Variants in RBFOX1 observed in about 807,000 individuals in gnomAD.
RBFOX1 encodes the protein RNA binding protein fox-1 homolog 1.
A neutral mutation model predicts 57.7 loss-of-function variants in RBFOX1; 8 were observed. The ratio of observed to expected loss-of-function variants is 0.14; its 90% CI spans 0.08 to 0.25. RBFOX1 has a LOEUF of 0.25. Among genes scored for constraint, RBFOX1 ranks in the 10% least tolerant of loss-of-function variants. RBFOX1 has a pLI of 1.00. For synonymous variants in RBFOX1, 326 were observed against 222.4 expected (o/e 1.47, Z -4.15); for missense variants, 611 against 548.5 (o/e 1.11, Z -1.14).
At chr16:5,980,860 G>A (rs958221169) in intron 4 of RBFOX1, among the ~76,000 whole-genome samples, 5 of 148,654 alleles carry the variant, frequency 3.4e-5, no homozygotes, top group African/African-American at 1.2e-4. Flanking sequence ...CAACGCTGTC[G>A]TCCTGCCATT....
chr16:7,620,645 C>T (rs189810198), intron 10 of RBFOX1, among the ~76,000 whole-genome samples: 17 of 152,244 alleles, frequency 1.1e-4, no homozygotes, highest in Middle Eastern at 3.4e-3. Flanking sequence ...ATGGCAGCTT[C>T]GGAATTCTTA....
chr16:5,527,528 A>G (rs1322948035), intron 2 of RBFOX1, among the ~76,000 whole-genome samples: 2 of 152,124 alleles, frequency 1.3e-5, no homozygotes, highest in African/African-American at 4.8e-5. Context: ...GCAAGAAGTA[A>G]TTTTCTGTGT....
At chr16:7,119,251 C>T (rs540952684) in intron 4 of RBFOX1, among the ~76,000 whole-genome samples, 1 of 152,220 alleles carries the variant, frequency 6.6e-6, no homozygotes, top group Non-Finnish European at 1.5e-5. Flanking sequence ...TGTGTCCATT[C>T]ACATATGCAT....
chr16:6,038,539 T>TATATATATATATATCATCC (rs2095397646), intron 1 of RBFOX1: 3 of 146,026 alleles, frequency 2.1e-5, no homozygotes, highest in African/African-American at 7.5e-5. Context: ...GAGATATATA[T>TATATATATATATATCATCC]ATATATATAT....
intron 1 of RBFOX1, among the ~76,000 whole-genome samples, chr16:5,378,531 C>G (rs991773344): frequency 5.3e-5 from 8 of 151,486 alleles, no homozygotes; most frequent in African/African-American, 2.0e-4. Flanking sequence ...TGAATAGCCT[C>G]AGCAGAACCT....
intron 3 of RBFOX1, among the ~76,000 whole-genome samples, chr16:6,765,036 T>G (rs2077136128): frequency 6.6e-6 from 1 of 151,914 alleles, no homozygotes; most frequent in Non-Finnish European, 1.5e-5. Context: ...AAAAAAAAAT[T>G]CATGGTGACA....
chr16:6,234,303 C>A (rs925438961), intron 1 of RBFOX1, among the ~76,000 whole-genome samples: 5 of 152,274 alleles, frequency 3.3e-5, no homozygotes, highest in Middle Eastern at 3.4e-3. Flanking sequence ...TATCGAAAAG[C>A]AAGTATCTCT....
At chr16:6,593,561 C>A (rs79424414) in intron 2 of RBFOX1, among the ~76,000 whole-genome samples, 2 of 152,120 alleles carry the variant, frequency 1.3e-5, no homozygotes. Context: ...TGCTTTGGTC[C>A]TATTTGTTTT....
At chr16:5,923,690 C>T (rs766676098) in intron 4 of RBFOX1, among the ~76,000 whole-genome samples, 11 of 151,948 alleles carry the variant, frequency 7.2e-5, no homozygotes, top group Admixed American at 3.9e-4. Flanking sequence ...TACAGGCATG[C>T]GCCACCACAC....
At chr16:7,345,001 G>T (rs1250789655) in intron 4 of RBFOX1, among the ~76,000 whole-genome samples, 1 of 151,240 alleles carries the variant, frequency 6.6e-6, no homozygotes. Context: ...CTGGCTCCTC[G>T]TGGAGAAGAT....
At chr16:5,312,675 A>G (rs1168543520) in intron 1 of RBFOX1, among the ~76,000 whole-genome samples, 2 of 152,196 alleles carry the variant, frequency 1.3e-5, no homozygotes, top group South Asian at 2.1e-4. Flanking sequence ...TTCTGAGGAC[A>G]CCCAAGAGAC....
chr16:7,472,577 G>A (rs185853344), intron 4 of RBFOX1, among the ~76,000 whole-genome samples: 1 of 152,172 alleles, frequency 6.6e-6, no homozygotes, highest in South Asian at 2.1e-4. Flanking sequence ...AGCGTTTACT[G>A]TGAAACGACT....
intron 3 of RBFOX1, among the ~76,000 whole-genome samples, chr16:5,862,506 G>T (rs559771658): frequency 6.6e-6 from 1 of 152,296 alleles, no homozygotes; most frequent in South Asian, 2.1e-4. Flanking sequence ...GAGAGGGGAA[G>T]GGATAATGTC....
chr16:6,659,147 C>A (rs1372359476), intron 3 of RBFOX1, among the ~76,000 whole-genome samples: 2 of 151,792 alleles, frequency 1.3e-5, no homozygotes, highest in African/African-American at 2.4e-5. Flanking sequence ...ACCTGAATTT[C>A]AATACTATTA....
chr16:7,386,544 AG>A (rs2097885780), intron 4 of RBFOX1, among the ~76,000 whole-genome samples: 1 of 152,068 alleles, frequency 6.6e-6, no homozygotes, highest in Admixed American at 6.5e-5. Context: ...GTCCCTGCAA[AG>A]GACATGATCT....
intron 4 of RBFOX1, among the ~76,000 whole-genome samples, chr16:7,153,317 G>A (rs2076445270): frequency 6.6e-6 from 1 of 152,028 alleles, no homozygotes; most frequent in Non-Finnish European, 1.5e-5. Context: ...TATTTCATTT[G>A]ATAAACATGA....
chr16:6,915,240 G>C (rs1392439584), intron 3 of RBFOX1, among the ~76,000 whole-genome samples: 1 of 152,100 alleles, frequency 6.6e-6, no homozygotes, highest in Non-Finnish European at 1.5e-5. Flanking sequence ...TGAAGCCTGT[G>C]GTCCTCAGCA....
At chr16:6,636,765 AT>A (rs2098437065) in intron 2 of RBFOX1, among the ~76,000 whole-genome samples, 1 of 2,716 alleles carries the variant, frequency 3.7e-4, no homozygotes, top group East Asian at 0.062. Flanking sequence ...GTTTATATAT[AT>A]AATATATAAT....
At chr16:7,246,517 A>T (rs1010049823) in intron 4 of RBFOX1, among the ~76,000 whole-genome samples, 4 of 151,990 alleles carry the variant, frequency 2.6e-5, no homozygotes, top group Non-Finnish European at 5.9e-5. Context: ...TCTCTCCCTT[A>T]TAACTGTACC....
Sources: gnomAD v4.1 joint callset for allele counts (sites outside exome capture counted in the v4.1 genomes callset) on GRCh38, gnomAD v4.1.1 for gene constraint, MANE v1.5 for transcripts, NCBI Gene and HGNC (gene_info 2026-07-23, HGNC 2026-07-21) for gene names.